Variants in KANSL3 observed in about 807,000 individuals in gnomAD.
KANSL3 encodes the protein KAT8 regulatory NSL complex subunit 3.
Under a neutral mutation model 89.2 loss-of-function variants are expected in KANSL3, and 16 were observed. The ratio of observed to expected loss-of-function variants is 0.18; its 90% CI spans 0.12 to 0.27. KANSL3 has a LOEUF of 0.27. Among genes scored for constraint, KANSL3 ranks in the 10% least tolerant of loss-of-function variants. KANSL3 has a pLI of 1.00. For synonymous variants in KANSL3, 385 were observed against 419.7 expected (o/e 0.92, Z 1.01); for missense variants, 879 against 1,110.6 (o/e 0.79, Z 2.96).
At chr2:96,591,188 G>C (rs1015218238), downstream of KANSL3, among the ~76,000 whole-genome samples, 1 of 152,100 alleles carries the variant, frequency 6.6e-6, no homozygotes. Flanking sequence ...TCATATACAC[G>C]TAACAACTTG....
chr2:96,584,981 GATGTCTCACATT>G, the KANSL3 span, among the ~76,000 whole-genome samples: 7 of 152,342 alleles, frequency 4.6e-5, no homozygotes, highest in South Asian at 4.1e-4. Flanking sequence ...TTCATGTTGT[GATGTCTCACATT>G]AGTCTGATTC....
rs1165725623 is a variant in KANSL3 at position 96,619,474 on chromosome 2, G to A, written c.548C>T (p.Ala183Val). The change falls in exon 5 of 21, where the codon GCA becomes GTA. Residue 183 changes from alanine (A) to valine (V), a missense_variant. Coordinates refer to ENST00000431828, the MANE Select transcript of KANSL3 (RefSeq NM_001115016.3). ...CAGCTTGGTATCCCAGCTCACACTT[G>A]CCAGAGCCTGCCGCACTCTCCTTGC... The part of the protein sequence containing the change: ...KCARRVRQAL[A>V]SVSWDTKLIQ... 1.2e-6 allele frequency: 2 copies of A among 1,614,034 alleles called. No homozygotes were observed. Among genetic ancestry groups the A allele is most frequent in the Non-Finnish European group, 1.7e-6 (2 of 1,179,896 alleles).
Position 96,631,408 on chromosome 2 carries a change from C to T in KANSL3, c.290G>A (p.Arg97His), listed in dbSNP as rs539872401. ...CCGTTCACACTCATTCATCACGCTG[C>T]GTGCCTTCTGATTGTCATAGAGTGG... ...PMPLYDNQKA[R>H]SVMNECERHV... The change falls in exon 3 of 21, where the codon CGC becomes CAC. Residue 97 changes from arginine to histidine, a missense_variant. Transcript: ENST00000431828. The T allele has an allele frequency of 5.6e-6, 9 of 1,605,164 alleles. No individual in the cohort carries two copies. The highest frequency in any genetic ancestry group is 5.3e-5 in the African/African-American group (4 of 74,874).
At chr2:96,631,654 A>ATC (rs2073410640) in intron 2 of KANSL3, 172 bp from the exon 3 acceptor site, 1 of 745,890 alleles carries the variant, frequency 1.3e-6, no homozygotes, top group African/African-American at 1.7e-5. Context: ...ACTTGTCTAG[A>ATC]TCTCTGCCCT....
chr2:96,592,736 G>A (rs559390441), downstream of KANSL3, among the ~76,000 whole-genome samples: 2 of 152,264 alleles, frequency 1.3e-5, no homozygotes, highest in African/African-American at 4.8e-5. Flanking sequence ...GGGTGTGGTG[G>A]CTCACGCCTG....
chr2:96,612,420 T>C (rs570036317), intron 8 of KANSL3, 42 bp downstream of exon 8: 5 of 1,604,726 alleles, frequency 3.1e-6, no homozygotes, highest in African/African-American at 2.7e-5. Context: ...AACCCCAGAA[T>C]GCTGGGTATG....
chr2:96,603,749 G>C (rs2067532972), intron 17 of KANSL3: 1 of 152,624 alleles, frequency 6.6e-6, no homozygotes, highest in African/African-American at 2.4e-5. Flanking sequence ...AGGCAGATGT[G>C]CTTAAAACAG....
downstream of KANSL3, among the ~76,000 whole-genome samples, chr2:96,590,726 G>A (rs1201534076): frequency 6.7e-6 from 1 of 150,028 alleles, no homozygotes; most frequent in Non-Finnish European, 1.5e-5. Context: ...GCTCACACCT[G>A]TAATCCCAGC....
Position 96,609,506 on chromosome 2 carries a change from CA to C in KANSL3, c.1375del (p.Cys459ValfsTer10). The C allele has an allele frequency of 6.2e-7, 1 of 1,613,840 alleles. No homozygotes were observed. Among genetic ancestry groups the C allele is most frequent in the Non-Finnish European group, 8.5e-7 (1 of 1,179,714 alleles). ...EGLTQSMVDRCIQDEIVDFLT... is the reference protein window; with the variant it reads ...EGLTQSMVDRXIQDEIVDFLT... ...CACAAAACAACTGTTTACCTGAATACATCTGTCCACCATGCTCTGAGTCAAC... is the reference window on the plus strand; with the variant it reads ...CACAAAACAACTGTTTACCTGAATACTCTGTCCACCATGCTCTGAGTCAAC... On this transcript the variant is annotated frameshift_variant, in exon 12 of 21. Transcript: ENST00000431828. LOFTEE classifies it high-confidence loss of function.
At chr2:96,634,506 C>T (rs1403303707) in intron 2 of KANSL3, among the ~76,000 whole-genome samples, 1 of 150,140 alleles carries the variant, frequency 6.7e-6, no homozygotes, top group African/African-American at 2.5e-5. Flanking sequence ...ACAGAGACTC[C>T]GTCTCAAAAA....
At position 96,609,078 on chromosome 2, in the gene KANSL3, G is replaced by A; in HGVS notation, c.1384-14C>T. 2 of 1,553,094 alleles carry A rather than the reference G, an allele frequency of 1.3e-6. No homozygotes were observed. The highest frequency in any genetic ancestry group is 8.7e-7 in the Non-Finnish European group (1 of 1,147,596). On this transcript the variant is annotated splice_polypyrimidine_tract_variant and intron_variant, in intron 12 of 20. Transcript: ENST00000431828. ...CACAATCTCATCCTAGTGTAGAGAG[G>A]AGCCAACCAAGGCCTTTTAGTCCTC...
At chr2:96,588,146 A>T in the KANSL3 span, among the ~76,000 whole-genome samples, 192 of 152,276 alleles carry the variant, frequency 1.3e-3, 1 homozygote, top group Non-Finnish European at 1.9e-3. Context: ...TACAGGTTCA[A>T]GAAGCTGAGC....
At position 96,615,466 on chromosome 2, in the gene KANSL3, T is replaced by G. The variant is rs575557633; in HGVS notation, c.664-1847A>C. On this transcript the variant is annotated intron_variant, in intron 5 of 20. Transcript: ENST00000431828. The stretch of plus-strand genomic sequence containing the variant: ...ATGTGACATTACAGATGTGCAAATA[T>G]AGGTTTCAGACATGTTGATGCTTAC... 283 of 1,236,396 alleles carry G rather than the reference T, an allele frequency of 2.3e-4. 1 individual carries two copies. The South Asian group carries it at 3.0e-3, about 13-fold the overall frequency. 76.6% of individuals were successfully genotyped at this position (1,236,396 alleles called of 1,614,324 possible).
At chr2:96,627,809 A>T (rs963188749) in intron 3 of KANSL3, 19 of 803,272 alleles carry the variant, frequency 2.4e-5, no homozygotes, top group Admixed American at 5.0e-5. Flanking sequence ...AGGAACTGCA[A>T]GCTCCAAACA....
the KANSL3 span, among the ~76,000 whole-genome samples, chr2:96,581,273 A>T: frequency 6.6e-6 from 1 of 152,112 alleles, no homozygotes; most frequent in Non-Finnish European, 1.5e-5. Flanking sequence ...AAAATACAAA[A>T]ATTAGCCAGG....
chr2:96,604,697 T>A lies in KANSL3; in HGVS notation c.2018+82A>T, dbSNP rs1249565303. 7.2e-6 allele frequency: 9 copies of A among 1,245,848 alleles called. No individual in the cohort carries two copies. The East Asian group carries it at 2.3e-4, about 32-fold the overall frequency. 77.2% of individuals were successfully genotyped at this position (1,245,848 alleles called of 1,614,324 possible). A position where few individuals can be genotyped will look rare whatever the true frequency, so the allele number is the denominator to read the frequency against. ...AAAACTGACAAGAATCCAGAATCCA[T>A]CATTTTCCAAAGCACTAAATAAACC... On this transcript the variant is annotated intron_variant, in intron 16 of 20. Coordinates refer to ENST00000431828, the MANE Select transcript of KANSL3 (RefSeq NM_001115016.3).
intron 20 of KANSL3, among the ~76,000 whole-genome samples, chr2:96,596,447 G>C (rs1251092338): frequency 6.6e-6 from 1 of 152,126 alleles, no homozygotes; most frequent in Non-Finnish European, 1.5e-5. Flanking sequence ...CCAGCTACTC[G>C]GGAGGCCGAG....
At chr2:96,607,839 T>C (rs1558684231) in intron 14 of KANSL3, among the ~76,000 whole-genome samples, 1 of 152,134 alleles carries the variant, frequency 6.6e-6, no homozygotes, top group African/African-American at 2.4e-5. Context: ...TCAGGTGACA[T>C]GCTCCTGGAC....
Position 96,622,389 on chromosome 2 carries a change from G to A in KANSL3, c.387-2627C>T, listed in dbSNP as rs1187908347. ...GTGAGGTATGATCATGCCACGGGGC[G>A]ACAGAACAAGACCTCGTCTCAAAAA... is the stretch of plus-strand genomic sequence containing the variant. On this transcript the variant is annotated intron_variant, in intron 3 of 20. Transcript: ENST00000431828. Among the ~76,000 whole-genome samples, 9 of 145,480 alleles carry A rather than the reference G, an allele frequency of 6.2e-5. No individual in the cohort carries two copies. The South Asian group carries it at 1.7e-3, about 28-fold the overall frequency.
Sources: allele counts gnomAD v4.1 joint callset (sites outside exome capture counted in the v4.1 genomes callset), GRCh38; gene constraint gnomAD v4.1.1; transcripts MANE v1.5; gene names NCBI Gene and HGNC (gene_info 2026-07-23, HGNC 2026-07-21).